VPS41: variants seen among roughly 807,000 people sequenced by gnomAD.
The protein encoded by VPS41 is vacuolar protein sorting-associated protein 41 homolog.
A neutral mutation model predicts 130.9 loss-of-function variants in VPS41; 85 were observed. The ratio of observed to expected loss-of-function variants is 0.65; its 90% CI spans 0.55 to 0.78. VPS41 has a LOEUF of 0.78. Ranked by LOEUF, VPS41 falls within the 30% of genes least tolerant of loss-of-function variation. The pLI is 0.00. For missense variants in VPS41, 874 were observed against 1,018.7 expected, an observed-to-expected ratio of 0.86 and a Z score of 1.93; for synonymous variants, 335 against 332.9, an observed-to-expected ratio of 1.01 and a Z score of -0.07.
chr7:38,803,412 G>A (rs1182832424), intron 7 of VPS41, among the ~76,000 whole-genome samples: 1 of 152,184 alleles, frequency 6.6e-6, no homozygotes, highest in Non-Finnish European at 1.5e-5. Flanking sequence ...ATTCAGCAGG[G>A]GCTTCAGCCG....
At chr7:38,742,643 A>T (rs866730608) in intron 24 of VPS41, among the ~76,000 whole-genome samples, 27 of 152,208 alleles carry the variant, frequency 1.8e-4, no homozygotes, top group Middle Eastern at 3.4e-3. Flanking sequence ...TGAGATCCTT[A>T]AACTACTACT....
chr7:38,828,878 A>G (rs993707813), intron 5 of VPS41, among the ~76,000 whole-genome samples: 4 of 152,178 alleles, frequency 2.6e-5, no homozygotes, highest in Non-Finnish European at 4.4e-5. Flanking sequence ...TTAAATAACA[A>G]TTCTTCAACA....
At chr7:38,733,301 T>C (rs1293900855) in intron 25 of VPS41, among the ~76,000 whole-genome samples, 1 of 152,240 alleles carries the variant, frequency 6.6e-6, no homozygotes, top group Non-Finnish European at 1.5e-5. Context: ...TGTACAGTTC[T>C]TCTGAGTTTT....
intron 25 of VPS41, among the ~76,000 whole-genome samples, chr7:38,741,024 T>C (rs1795869182): frequency 6.6e-6 from 1 of 152,206 alleles, no homozygotes; most frequent in African/African-American, 2.4e-5. Context: ...TACATCTGTT[T>C]TTGATGCCAC....
Position 38,869,179 on chromosome 7 carries a change from C to G in VPS41, c.135G>C (p.Lys45Asn). The change falls in exon 3 of 29, where the codon AAG becomes AAC. Residue 45 changes from lysine (K) to asparagine (N), a missense_variant. By Grantham distance (94) the Lys-to-Asn change is moderately conservative (BLOSUM62 0). Transcript: ENST00000310301. ...GGACTGTCATGCAGCTAGCTGCATC[C>G]TTCTGAAGTATTTCAGTTACCCCAT... ...LSNGVTEILQ[K>N]DAASCMTVHD... 6.2e-7 allele frequency: 1 copy of G among 1,611,144 alleles called. No homozygotes were observed. Among genetic ancestry groups the G allele is most frequent in the Non-Finnish European group, 8.5e-7 (1 of 1,178,072 alleles).
At chr7:38,798,128 G>A (rs1466172383) in intron 7 of VPS41, among the ~76,000 whole-genome samples, 1 of 152,006 alleles carries the variant, frequency 6.6e-6, no homozygotes, top group East Asian at 1.9e-4. Flanking sequence ...ACAGTTAGAG[G>A]CCTTCGGGAG....
chr7:38,862,515 C>T (rs147364567), intron 4 of VPS41, 30 bp downstream of exon 4: 1 of 1,331,628 alleles, frequency 7.5e-7, no homozygotes, highest in Non-Finnish European at 1.1e-6. Context: ...TGAAGTTTAG[C>T]TCATACATTA....
At chr7:38,824,419 T>C (rs1342317115) in intron 5 of VPS41, among the ~76,000 whole-genome samples, 3 of 152,202 alleles carry the variant, frequency 2.0e-5, no homozygotes, top group Non-Finnish European at 2.9e-5. Flanking sequence ...TTGGTCCTCA[T>C]AGCAAAACTG....
intron 25 of VPS41, among the ~76,000 whole-genome samples, chr7:38,739,746 C>T (rs1335372811): frequency 6.6e-6 from 1 of 152,196 alleles, no homozygotes; most frequent in East Asian, 1.9e-4. Context: ...TGAGAAGCCA[C>T]CCCTTGGTTG....
intron 7 of VPS41, among the ~76,000 whole-genome samples, chr7:38,800,526 C>T (rs531024392): frequency 6.6e-6 from 1 of 152,176 alleles, no homozygotes; most frequent in Admixed American, 6.6e-5. Flanking sequence ...AATGAAACAA[C>T]AAAGTAATAT....
At chr7:38,743,082 A>C (rs1191051038) in intron 24 of VPS41, among the ~76,000 whole-genome samples, 1 of 30,090 alleles carries the variant, frequency 3.3e-5, no homozygotes, top group South Asian at 7.8e-4. Flanking sequence ...AAAAACAAAA[A>C]AAAACCACAC....
At chr7:38,817,974 A>T in intron 6 of VPS41, 92 bp from the exon 7 acceptor site, 1 of 965,914 alleles carries the variant, frequency 1.0e-6, no homozygotes. Flanking sequence ...GCATGATCTA[A>T]AAATTATCCT....
intron 17 of VPS41, among the ~76,000 whole-genome samples, chr7:38,762,608 A>G (rs1783944705): frequency 6.6e-6 from 1 of 152,194 alleles, no homozygotes; most frequent in South Asian, 2.1e-4. Flanking sequence ...TCTGACCTTC[A>G]GTGCTCTGTT....
intron 13 of VPS41, among the ~76,000 whole-genome samples, chr7:38,771,696 T>C (rs544427131): frequency 6.6e-6 from 1 of 152,350 alleles, no homozygotes; most frequent in South Asian, 2.1e-4. Context: ...TACGCATGTT[T>C]ATGTATATCT....
At chr7:38,784,651 A>G (rs1430568825) in intron 10 of VPS41, among the ~76,000 whole-genome samples, 1 of 121,824 alleles carries the variant, frequency 8.2e-6, no homozygotes, top group Non-Finnish European at 1.7e-5. Context: ...GGAGGGGGGG[A>G]GTTAGGGGGA....
At chr7:38,883,672 C>CCAGT (rs3999865) in intron 2 of VPS41, among the ~76,000 whole-genome samples, 141,765 of 152,090 alleles carry the variant, frequency 0.93, 66,225 homozygotes, top group East Asian at 1. Context: ...AAATGATCAA[C>CCAGT]CAATCTTGGA....
intron 5 of VPS41, among the ~76,000 whole-genome samples, chr7:38,826,586 T>C (rs765174807): frequency 2.0e-5 from 3 of 152,132 alleles, no homozygotes; most frequent in Non-Finnish European, 4.4e-5. Flanking sequence ...CTATTCCAAG[T>C]AATTTACATA....
chr7:38,872,497 T>C (rs1384981906), intron 2 of VPS41, among the ~76,000 whole-genome samples: 1 of 152,228 alleles, frequency 6.6e-6, no homozygotes, highest in Non-Finnish European at 1.5e-5. Flanking sequence ...TTAAATTCAA[T>C]TCCCTTGTTA....
intron 20 of VPS41, 35 bp from the exon 21 acceptor site, chr7:38,754,787 T>C: frequency 1.9e-6 from 3 of 1,602,444 alleles, no homozygotes; most frequent in Non-Finnish European, 2.6e-6. Flanking sequence ...GGTGGAGTCA[T>C]GAGGACAGAA....
Sources: allele counts gnomAD v4.1 joint callset (sites outside exome capture counted in the v4.1 genomes callset), GRCh38; gene constraint gnomAD v4.1.1; transcripts MANE v1.5; gene names NCBI Gene and HGNC (gene_info 2026-07-23, HGNC 2026-07-21).